The following PCDH7 variants were observed in gnomAD, a reference collection of about 807,000 sequenced individuals.
The protein encoded by PCDH7 is protocadherin 7, also known as protocadherin-7.
In PCDH7, 17 loss-of-function variants were observed where a neutral mutation model predicts 58.9. The observed-to-expected ratio is 0.29, with a 90% confidence interval of 0.20 to 0.43. PCDH7 has a LOEUF of 0.43. Among genes scored for constraint, PCDH7 ranks in the 20% least tolerant of loss-of-function variants. The pLI, the probability that PCDH7 is intolerant of heterozygous loss-of-function variation, is 1.00. For synonymous variants in PCDH7, 664 were observed against 616.4 expected (o/e 1.08, Z -1.14); for missense variants, 1,274 against 1,441.0 (o/e 0.88, Z 1.88).
intron 3 of PCDH7, among the ~76,000 whole-genome samples, chr4:30,989,826 A>T (rs1560558926): frequency 6.6e-6 from 1 of 152,166 alleles, no homozygotes; most frequent in African/African-American, 2.4e-5. Flanking sequence ...CAGTGAAAAG[A>T]GAGAGGGAGA....
Position 30,723,659 on chromosome 4 carries a change from A to T in PCDH7, c.2237A>T (p.Lys746Ile), listed in dbSNP as rs1373840035. The T allele has an allele frequency of 1.9e-6, 3 of 1,614,010 alleles. No homozygotes were observed. The highest frequency in any genetic ancestry group is 2.5e-6 in the Non-Finnish European group (3 of 1,180,042). Residue 746 changes from lysine to isoleucine, a missense_variant, in exon 1 of 2, where the codon AAA becomes ATA. Around this residue, in one of 3 missense-constraint regions of PCDH7, gnomAD observed 731 missense variants for 881.9 expected, o/e 0.83. Transcript: ENST00000361762. The surrounding 1 kb of genome is among the most constrained non-coding windows in gnomAD (Gnocchi z 4.6). ...AATGCTCCCACAGTTACCCTTCCCA[A>T]AAACATTTCCTACACTTTACTGCCA...
chr4:30,768,026 T>C (rs1720964493), intron 1 of PCDH7, among the ~76,000 whole-genome samples: 1 of 152,178 alleles, frequency 6.6e-6, no homozygotes, highest in Non-Finnish European at 1.5e-5. Context: ...GTTTAATAAT[T>C]TTAATAGTCA....
chr4:31,014,384 T>C (rs1048151289), intron 3 of PCDH7, among the ~76,000 whole-genome samples: 2 of 152,176 alleles, frequency 1.3e-5, no homozygotes, highest in East Asian at 3.9e-4. Flanking sequence ...ATTGTTTCTA[T>C]AGCTATTCTA....
chr4:31,010,640 C>G (rs1157132597), intron 3 of PCDH7, among the ~76,000 whole-genome samples: 1 of 151,854 alleles, frequency 6.6e-6, no homozygotes, highest in Non-Finnish European at 1.5e-5. Flanking sequence ...AACACTAAAG[C>G]AATATTCTTA....
intron 3 of PCDH7, among the ~76,000 whole-genome samples, chr4:31,004,041 C>A (rs2109141336): frequency 6.6e-6 from 1 of 152,094 alleles, no homozygotes; most frequent in East Asian, 1.9e-4. Context: ...GAGTGAATGT[C>A]CTAAAGTCTC....
intron 2 of PCDH7, among the ~76,000 whole-genome samples, chr4:30,944,735 A>C (rs1746464135): frequency 6.6e-6 from 1 of 152,220 alleles, no homozygotes; most frequent in Admixed American, 6.5e-5. Flanking sequence ...GAATAAAAGT[A>C]AACTTAGAAT....
intron 1 of PCDH7, among the ~76,000 whole-genome samples, chr4:30,751,630 T>C (rs1718534289): frequency 6.6e-6 from 1 of 152,070 alleles, no homozygotes; most frequent in African/African-American, 2.4e-5. Flanking sequence ...TATATATATA[T>C]TTTGCATGGT....
At chr4:31,053,396 C>T (rs1756910804) in intron 3 of PCDH7, among the ~76,000 whole-genome samples, 1 of 152,020 alleles carries the variant, frequency 6.6e-6, no homozygotes, top group Non-Finnish European at 1.5e-5. Context: ...TATGATACAT[C>T]ATCCTTCCAT....
chr4:30,981,873 T>C (rs772698251), intron 3 of PCDH7, among the ~76,000 whole-genome samples: 11 of 152,236 alleles, frequency 7.2e-5, no homozygotes, highest in Non-Finnish European at 1.2e-4. Context: ...TTTTACACTG[T>C]AGAATGCCAT....
chr4:30,794,456 T>G (rs968832402), intron 1 of PCDH7, among the ~76,000 whole-genome samples: 1 of 152,182 alleles, frequency 6.6e-6, no homozygotes, highest in African/African-American at 2.4e-5. Flanking sequence ...TTAAAAATTG[T>G]TCCATAGCCT....
chr4:30,802,237 G>A (rs1350804290), intron 1 of PCDH7, among the ~76,000 whole-genome samples: 7 of 152,246 alleles, frequency 4.6e-5, no homozygotes, highest in African/African-American at 1.7e-4. Flanking sequence ...ACTGAAGTGA[G>A]AAAAGGCTAT....
At chr4:30,765,525 G>A (rs944612152) in intron 1 of PCDH7, among the ~76,000 whole-genome samples, 4 of 152,126 alleles carry the variant, frequency 2.6e-5, no homozygotes, top group African/African-American at 9.7e-5. Context: ...GCACTTTCAT[G>A]GGGTTCTAAC....
intron 3 of PCDH7, among the ~76,000 whole-genome samples, chr4:31,079,117 G>A (rs1390763111): frequency 6.6e-6 from 1 of 150,984 alleles, no homozygotes; most frequent in Admixed American, 6.6e-5. Context: ...GATCACATAG[G>A]AAAACAGTAT....
At chr4:31,000,028 T>C (rs895404760) in intron 3 of PCDH7, among the ~76,000 whole-genome samples, 1 of 152,230 alleles carries the variant, frequency 6.6e-6, no homozygotes, top group Non-Finnish European at 1.5e-5. Flanking sequence ...ATAAAACTTA[T>C]AATGCAAGAA....
chr4:31,056,458 G>GAAGGA (rs1553932369), intron 3 of PCDH7, among the ~76,000 whole-genome samples: 8,092 of 82,808 alleles, frequency 0.098, 673 homozygotes, highest in African/African-American at 0.12. Flanking sequence ...AAGAAAGAAA[G>GAAGGA]AAGAAAGAAA....
rs540149829 is a variant in PCDH7, at chr4:30,721,357, C to T, written c.-66C>T. 1.4e-5 allele frequency: 20 copies of T among 1,404,914 alleles called. No homozygotes were observed. The Admixed American group carries it at 2.0e-4, about 14-fold the overall frequency. 87.0% of individuals were successfully genotyped at this position (1,404,914 alleles called of 1,614,324 possible). A position where few individuals can be genotyped will look rare whatever the true frequency, so the allele number is the denominator to read the frequency against. ...ACTCGGGGGAGGGCAGGCGGCCGGC[C>T]CCGGAGGAGGGGGGCGCCGAGGGGG... On this transcript the variant is annotated 5_prime_UTR_variant, in exon 1 of 2. Transcript: ENST00000361762. This position sits in a 1 kb window ranked among gnomAD's most constrained non-coding sequence, Gnocchi z 6.7.
chr4:30,945,260 T>C (rs1400689624), intron 2 of PCDH7, among the ~76,000 whole-genome samples: 1 of 152,076 alleles, frequency 6.6e-6, no homozygotes, highest in South Asian at 2.1e-4. Context: ...TATATGTGTG[T>C]GCATGTATAT....
intron 2 of PCDH7, among the ~76,000 whole-genome samples, chr4:30,947,688 T>A (rs1746872046): frequency 6.6e-6 from 1 of 152,176 alleles, no homozygotes; most frequent in African/African-American, 2.4e-5. Context: ...ACATTTATCA[T>A]TTCTTTGTGT....
At chr4:30,728,237 C>T (rs1577556626) in intron 1 of PCDH7, among the ~76,000 whole-genome samples, 2 of 145,024 alleles carry the variant, frequency 1.4e-5, no homozygotes, top group African/African-American at 2.5e-5. Context: ...AACTAAATGT[C>T]AATTCATTTG....
Sources: allele counts gnomAD v4.1 joint callset (sites outside exome capture counted in the v4.1 genomes callset), GRCh38; gene constraint gnomAD v4.1.1; regional missense constraint gnomAD v4.1.1; non-coding constraint Gnocchi (gnomAD v3.1); transcripts MANE v1.5; gene names NCBI Gene and HGNC (gene_info 2026-07-23, HGNC 2026-07-21).